Variants in FNIP1 observed in about 807,000 individuals in gnomAD.
The protein encoded by FNIP1 is folliculin interacting protein 1, also known as folliculin-interacting protein 1.
FNIP1 carries 40 observed loss-of-function variants against 124.5 expected under a neutral mutation model. The observed-to-expected ratio is 0.32, with a 90% confidence interval of 0.25 to 0.42. The LOEUF (loss-of-function observed/expected upper bound fraction) is 0.42. Among genes scored for constraint, FNIP1 ranks in the 10% least tolerant of loss-of-function variants. The probability of loss-of-function intolerance (pLI) is 1.00; values close to 1 mark genes in which losing one functional copy is unlikely to be tolerated. For synonymous variants in FNIP1, 472 were observed against 470.6 expected (o/e 1.00, Z -0.04); for missense variants, 1,176 against 1,403.7 (o/e 0.84, Z 2.59).
In FNIP1 at chr5:131,712,599, C is replaced by T. The variant is rs190270469; in HGVS notation, c.623-1938G>A. The stretch of plus-strand genomic sequence containing the variant: ...GATTTGTAAAAATATAAAACAATGC[C>T]ACTCTTCTTACTAATTTTTTGGAGG... On this transcript the variant is annotated intron_variant, in intron 6 of 17. Coordinates refer to ENST00000510461, the MANE Select transcript of FNIP1 (RefSeq NM_133372.3). Among the ~76,000 whole-genome samples the T allele has an allele frequency of 5.3e-5, 8 of 152,248 alleles. No individual in the cohort carries two copies. In the East Asian group the frequency reaches 1.5e-3, roughly 29 times the overall value.
chr5:131,758,123 G>C (rs562708883), intron 1 of FNIP1, among the ~76,000 whole-genome samples: 1 of 152,166 alleles, frequency 6.6e-6, no homozygotes, highest in African/African-American at 2.4e-5. Flanking sequence ...CAAATTAATT[G>C]CTTAGAATAT....
chr5:131,797,002 G>C lies in FNIP1; in HGVS notation c.-81C>G, dbSNP rs946555197. ...CTACAGCCGCCCCGCCACCCCCATGGGCGCCTCAGTCATATGACAGAAATT... is the reference window on the plus strand; with the variant it reads ...CTACAGCCGCCCCGCCACCCCCATGCGCGCCTCAGTCATATGACAGAAATT... On this transcript the variant is annotated 5_prime_UTR_variant, in exon 1 of 18. Transcript: ENST00000510461. The C allele has an allele frequency of 1.2e-5, 16 of 1,299,162 alleles. No individual in the cohort carries two copies. The African/African-American group carries it at 2.4e-4, about 20-fold the overall frequency. The allele number at this position is 1,299,162 out of a possible 1,614,324, so 80.5% of individuals were successfully genotyped here.
chr5:131,727,816 C>T (rs959534144), intron 3 of FNIP1, among the ~76,000 whole-genome samples: 5 of 152,076 alleles, frequency 3.3e-5, no homozygotes, highest in Admixed American at 1.3e-4. Context: ...TGGCTGTTAC[C>T]GTTTTCCCTT....
chr5:131,743,619 C>T (rs970961358), intron 2 of FNIP1, among the ~76,000 whole-genome samples: 2 of 152,008 alleles, frequency 1.3e-5, no homozygotes, highest in African/African-American at 2.4e-5. Flanking sequence ...ACCCACCATG[C>T]GATATTAGGA....
At chr5:131,646,757 T>C (rs1397011270) in intron 17 of FNIP1, among the ~76,000 whole-genome samples, 1 of 152,194 alleles carries the variant, frequency 6.6e-6, no homozygotes, top group Non-Finnish European at 1.5e-5. Flanking sequence ...AACCAGCTCA[T>C]GTGGAAGGCA....
intron 2 of FNIP1, among the ~76,000 whole-genome samples, chr5:131,738,473 C>T (rs1490447131): frequency 1.3e-5 from 2 of 151,896 alleles, no homozygotes; most frequent in Non-Finnish European, 1.5e-5. Context: ...TACTTTATGG[C>T]TTCTGAATTT....
chr5:131,785,101 C>CA (rs1418628524), intron 1 of FNIP1, among the ~76,000 whole-genome samples: 2 of 17,984 alleles, frequency 1.1e-4, no homozygotes, highest in Non-Finnish European at 1.6e-4. Context: ...ATATATATGA[C>CA]TATATATATA....
intron 7 of FNIP1, among the ~76,000 whole-genome samples, chr5:131,709,820 T>G (rs1769229498): frequency 6.6e-6 from 1 of 152,138 alleles, no homozygotes; most frequent in South Asian, 2.1e-4. Context: ...TTTCTACAAA[T>G]ATATATTTTT....
intron 12 of FNIP1, 52 bp from the exon 13 acceptor site, chr5:131,677,924 A>AG (rs113522906): frequency 0.042 from 65,790 of 1,568,748 alleles, 4,129 homozygotes; most frequent in African/African-American, 0.3. Context: ...ATGAAACCTT[A>AG]GGTAAAATGT....
chr5:131,791,715 T>C (rs968217290), intron 1 of FNIP1, among the ~76,000 whole-genome samples: 3 of 152,194 alleles, frequency 2.0e-5, no homozygotes, highest in Non-Finnish European at 2.9e-5. Context: ...AAATGCAATA[T>C]ACAGACTCTT....
At chr5:131,744,815 A>T in intron 1 of FNIP1, 125 bp from the exon 2 acceptor site, 1 of 598,468 alleles carries the variant, frequency 1.7e-6, no homozygotes, top group Non-Finnish European at 2.3e-6. Context: ...AATAATATAT[A>T]TATCTTTATA....
At chr5:131,715,958 A>G (rs1446437651) in intron 6 of FNIP1, among the ~76,000 whole-genome samples, 1 of 152,214 alleles carries the variant, frequency 6.6e-6, no homozygotes. Flanking sequence ...TATGCACCAG[A>G]AGTATCGCAA....
At chr5:131,710,182 T>C (rs1451820468) in intron 7 of FNIP1, among the ~76,000 whole-genome samples, 1 of 127,022 alleles carries the variant, frequency 7.9e-6, no homozygotes, top group Non-Finnish European at 1.8e-5. Flanking sequence ...AATAACAAGA[T>C]AGGATAATTT....
chr5:131,751,939 C>A (rs1770884930), intron 1 of FNIP1, among the ~76,000 whole-genome samples: 1 of 152,156 alleles, frequency 6.6e-6, no homozygotes, highest in African/African-American at 2.4e-5. Context: ...ACCAAACCAA[C>A]CTAAAACACT....
chr5:131,785,052 TATATATC>T (rs201844213), intron 1 of FNIP1, among the ~76,000 whole-genome samples: 4 of 13,106 alleles, frequency 3.1e-4, no homozygotes, highest in Non-Finnish European at 5.2e-4. Flanking sequence ...TATATGACTA[TATATATC>T]ATATATATGA....
intron 3 of FNIP1, among the ~76,000 whole-genome samples, chr5:131,726,603 C>CA (rs1463594936): frequency 1.3e-5 from 2 of 152,024 alleles, no homozygotes; most frequent in South Asian, 2.1e-4. Flanking sequence ...TTAATCTTTT[C>CA]AAAAAACCAG....
intron 1 of FNIP1, among the ~76,000 whole-genome samples, chr5:131,770,629 T>C (rs981382992): frequency 6.6e-6 from 1 of 152,216 alleles, no homozygotes; most frequent in Non-Finnish European, 1.5e-5. Flanking sequence ...TAGATTTAAA[T>C]TCCAACTGTG....
At chr5:131,741,647 A>G (rs1770515954) in intron 2 of FNIP1, among the ~76,000 whole-genome samples, 1 of 152,192 alleles carries the variant, frequency 6.6e-6, no homozygotes, top group African/African-American at 2.4e-5. Context: ...GCCTTCTCTC[A>G]CACTCCAGAT....
chr5:131,750,803 G>C (rs1580809659), intron 1 of FNIP1, among the ~76,000 whole-genome samples: 1 of 152,042 alleles, frequency 6.6e-6, no homozygotes, highest in East Asian at 1.9e-4. Context: ...AGTAGAAATA[G>C]GGTTTTGCCA....
Sources: gnomAD v4.1 joint callset for allele counts (sites outside exome capture counted in the v4.1 genomes callset) on GRCh38, gnomAD v4.1.1 for gene constraint, MANE v1.5 for transcripts, NCBI Gene and HGNC (gene_info 2026-07-23, HGNC 2026-07-21) for gene names.